MYO7B: variants seen among roughly 807,000 people sequenced by gnomAD.
MYO7B encodes myosin VIIB, also known as unconventional myosin-VIIb.
In MYO7B, 212 loss-of-function variants were observed where a neutral mutation model predicts 259.7. The ratio of observed to expected loss-of-function variants is 0.82; its 90% confidence interval spans 0.73 to 0.91. MYO7B has a LOEUF of 0.91. Ranked by LOEUF, MYO7B falls within the 40% of genes least tolerant of loss-of-function variation. MYO7B has a pLI of 0.00. For missense variants in MYO7B, 2,732 were observed against 2,813.5 expected (o/e 0.97, Z 0.66); for synonymous variants, 1,197 against 1,166.4 (o/e 1.03, Z -0.54).
At chr2:127,608,949 G>C (rs1300118486) in intron 22 of MYO7B, 71 bp downstream of exon 22, 1 of 1,531,778 alleles carries the variant, frequency 6.5e-7, no homozygotes, top group Non-Finnish European at 8.8e-7. Context: ...CGTGAACTCA[G>C]TCCACCTCTC....
At chr2:127,536,610 A>G (rs1385131501) in intron 1 of MYO7B, among the ~76,000 whole-genome samples, 2 of 152,128 alleles carry the variant, frequency 1.3e-5, no homozygotes, top group African/African-American at 2.4e-5. Context: ...AGATTGTGAG[A>G]GCTGGCCCAG....
rs1309009843 is a variant in MYO7B at position 127,629,674 on chromosome 2, G to T, written c.4654G>T (p.Gly1552Trp). The change falls in exon 35 of 48, where the codon GGG (glycine) becomes TGG (tryptophan). Residue 1552 changes from glycine (G) to tryptophan (W), a missense_variant. Gly to Trp is a radical substitution (Grantham distance 184). Transcript: ENST00000409816. Reference sequence around the variant, plus strand: ...CACCACCCTCCTGGCCTTCAAGAAGGGGGACCTGTTGGTCCTCACAAAGAA... The same window carrying T: ...CACCACCCTCCTGGCCTTCAAGAAGTGGGACCTGTTGGTCCTCACAAAGAA... ...DDTTLLAFKK[G>W]DLLVLTKKQG... 2 of 1,612,254 alleles carry T rather than the reference G, an allele frequency of 1.2e-6. No individual in the cohort carries two copies. Among genetic ancestry groups the T allele is most frequent in the East Asian group, 2.2e-5 (1 of 44,802 alleles).
rs148811743 is a variant in MYO7B, at chr2:127,614,624, C to T, written c.3398+2021C>T. Among the ~76,000 whole-genome samples the T allele has an allele frequency of 2.0e-3, 310 of 152,280 alleles. 3 individuals are homozygous for T. The highest frequency in any genetic ancestry group is 3.7e-3 in the Admixed American group (56 of 15,302). Reference sequence around the variant, plus strand: ...AGGTGGCAAATGGGCTTCTGGAGCTCAGCAGGCATCAGATGGGGAGTGACA... The same window carrying T: ...AGGTGGCAAATGGGCTTCTGGAGCTTAGCAGGCATCAGATGGGGAGTGACA... On this transcript the variant is annotated intron_variant, in intron 26 of 47. Coordinates refer to ENST00000409816, the MANE Select transcript of MYO7B (RefSeq NM_001393586.1). The surrounding 1 kb of genome is among the most constrained non-coding windows in gnomAD (Gnocchi z 4.6).
chr2:127,580,475 A>C (rs1206367752), intron 9 of MYO7B, among the ~76,000 whole-genome samples: 1 of 152,074 alleles, frequency 6.6e-6, no homozygotes, highest in African/African-American at 2.4e-5. Context: ...AAATAAGCCC[A>C]CCTTTCTTTA....
At chr2:127,537,545 A>G (rs752322951) in intron 1 of MYO7B, among the ~76,000 whole-genome samples, 2 of 152,222 alleles carry the variant, frequency 1.3e-5, no homozygotes, top group African/African-American at 4.8e-5. Flanking sequence ...GAAGAAGGGT[A>G]AAGGAGACTG....
chr2:127,560,548 A>G (rs1001708556), intron 2 of MYO7B, among the ~76,000 whole-genome samples: 2 of 152,166 alleles, frequency 1.3e-5, no homozygotes, highest in African/African-American at 4.8e-5. Context: ...TTACTGTCAA[A>G]TCAACAGACC....
chr2:127,572,668 TTTTTTCTCTGTTGACTTACCTTTGCACCC>T (rs1447016910), intron 6 of MYO7B, among the ~76,000 whole-genome samples: 8 of 152,064 alleles, frequency 5.3e-5, no homozygotes. Context: ...AAAAAGACTA[TTTTTTCTCTGTTGACTTACCTTTGCACCC>T]CTGTCTAAAA....
chr2:127,627,623 T>G lies in MYO7B; in HGVS notation c.4460+313T>G, dbSNP rs1220962117. On this transcript the variant is annotated intron_variant, in intron 33 of 47. Coordinates refer to ENST00000409816, the MANE Select transcript of MYO7B (RefSeq NM_001393586.1). The surrounding 1 kb of genome is among the most constrained non-coding windows in gnomAD (Gnocchi z 5.6). ...CGGGCACTTATTTAGAAGGCTCCTT[T>G]CTTTGTCATGGACGAGAACTGGTGG... The G allele has an allele frequency of 2.0e-6, 1 of 496,816 alleles. No individual in the cohort carries two copies. Among genetic ancestry groups the G allele is most frequent in the Non-Finnish European group, 3.9e-6 (1 of 254,132 alleles). The allele number at this position is 496,816 out of a possible 1,614,324, so 30.8% of individuals were successfully genotyped here.
chr2:127,634,690 A>G lies in MYO7B; in HGVS notation c.5713+7A>G, dbSNP rs1034606670. On this transcript the variant is annotated splice_region_variant and intron_variant, in intron 42 of 47. Coordinates refer to ENST00000409816, the MANE Select transcript of MYO7B (RefSeq NM_001393586.1). ...AACAAGCCCCAGAAAGAAGGTGAGG[A>G]GGCCTCTGTGGAGCTGGGGGAGGGC... 52 of 1,607,582 alleles carry G rather than the reference A, an allele frequency of 3.2e-5. No homozygotes were observed. In the South Asian group the frequency reaches 5.4e-4, roughly 17 times the overall value.
intron 19 of MYO7B, among the ~76,000 whole-genome samples, chr2:127,598,881 G>A (rs574220532): frequency 5.9e-5 from 9 of 152,074 alleles, no homozygotes; most frequent in East Asian, 1.9e-4. Flanking sequence ...AAAACCTAGC[G>A]GTGTGGGTCT....
Position 127,566,753 on chromosome 2 carries a change from G to T in MYO7B, c.396G>T (p.Pro132=), listed in dbSNP as rs115516718. ...GCCGCCATATGGGCGAGCTGCCCCC[G>T]CATGTCTTTGCCATCGCCAACAACT... The part of the protein sequence containing the change: ...YYSRHMGELP[P]HVFAIANNCY... The change falls in exon 5 of 48, where the codon CCG becomes CCT. Residue 132 remains proline (P), a synonymous_variant. Coordinates refer to ENST00000409816, the MANE Select transcript of MYO7B (RefSeq NM_001393586.1). The T allele has an allele frequency of 2.5e-6, 4 of 1,612,620 alleles. No homozygotes were observed. The highest frequency in any genetic ancestry group is 1.3e-5 in the African/African-American group (1 of 74,934).
rs76178944 is a variant in MYO7B at position 127,539,054 on chromosome 2, G to C, written c.-24+3223G>C. On this transcript the variant is annotated intron_variant, in intron 1 of 47. Coordinates refer to ENST00000409816, the MANE Select transcript of MYO7B (RefSeq NM_001393586.1). The surrounding 1 kb of genome is among the most constrained non-coding windows in gnomAD (Gnocchi z 4.0). ...TCTGTCTGAGCTCCTACTCTGTTCT[G>C]GGGGCTGGGGGCAGAGTACTGAGGG... Among the ~76,000 whole-genome samples the C allele has an allele frequency of 0.032, 4,891 of 152,218 alleles. 266 individuals carry two copies. Among genetic ancestry groups the C allele is most frequent in the African/African-American group, 0.11 (4,601 of 41,494 alleles).
At position 127,612,572 on chromosome 2, in the gene MYO7B, G is replaced by A. The variant is rs370891664; in HGVS notation, c.3367G>A (p.Val1123Met). 56 of 1,607,598 alleles carry A rather than the reference G, an allele frequency of 3.5e-5. No homozygotes were observed. The highest frequency in any genetic ancestry group is 5.6e-5 in the South Asian group (5 of 89,450). Residue 1123 changes from valine to methionine, a missense_variant, in exon 26 of 48, where the codon GTG becomes ATG. Coordinates refer to ENST00000409816, the MANE Select transcript of MYO7B (RefSeq NM_001393586.1). ...MSNLEKVHFI[V>M]GYAILRPSLR... The stretch of plus-strand genomic sequence containing the variant: ...CAACCTGGAGAAGGTGCACTTCATC[G>A]TGGGCTACGCCATCCTGCGGCCCAG...
At position 127,566,820 on chromosome 2, in the gene MYO7B, A is replaced by G. The variant is rs1483228419; in HGVS notation, c.463A>G (p.Ile155Val). ...MKRNKRDQCC[I>V]ISGESGAGKT... ...GAGGAACAAGAGGGACCAGTGCTGC[A>G]TCATCAGGTGAGGCAGAGGGGTCAG... The change falls in exon 5 of 48, where the codon ATC becomes GTC. Residue 155 changes from isoleucine to valine, a missense_variant. Physicochemically the swap from Ile to Val is conservative, Grantham distance 29 (BLOSUM62 3). Transcript: ENST00000409816. 19 of 1,609,392 alleles carry G rather than the reference A, an allele frequency of 1.2e-5. No homozygotes were observed. The highest frequency in any genetic ancestry group is 1.4e-5 in the Non-Finnish European group (16 of 1,179,400).
At chr2:127,635,094 G>A in intron 42 of MYO7B, 26 bp from the exon 43 acceptor site, 1 of 1,579,552 alleles carries the variant, frequency 6.3e-7, no homozygotes, top group East Asian at 2.3e-5. Context: ...GGACAGGCTT[G>A]GTGCCCACTG....
Position 127,624,246 on chromosome 2 carries a change from G to C in MYO7B, c.3973G>C (p.Asp1325His), listed in dbSNP as rs938799049. 7 of 1,596,436 alleles carry C rather than the reference G, an allele frequency of 4.4e-6. No homozygotes were observed. In the African/African-American group the frequency reaches 9.4e-5, roughly 21 times the overall value. Reference sequence around the variant, plus strand: ...CACCCCCTGGCACGACTCCCGGGAGGACCCTGTCAGCACCGAGCTTATTTA... The same window carrying C: ...CACCCCCTGGCACGACTCCCGGGAGCACCCTGTCAGCACCGAGCTTATTTA... ...FFTPWHDSREDPVSTELIYRQ... is the reference protein window; with the variant it reads ...FFTPWHDSREHPVSTELIYRQ... Residue 1325 changes from aspartate to histidine, a missense_variant, in exon 30 of 48, where the codon GAC (aspartate) becomes CAC (histidine). Asp to His is a moderately conservative substitution (Grantham distance 81, BLOSUM62 -1). Transcript: ENST00000409816.
chr2:127,535,990 G>A lies in MYO7B; in HGVS notation c.-24+159G>A, dbSNP rs908355035. ...TTCAGGAGCCTGGAAACCAGAAACCGCAGCAGGGGACTCAGTCCATCGGGC... is the reference window on the plus strand; with the variant it reads ...TTCAGGAGCCTGGAAACCAGAAACCACAGCAGGGGACTCAGTCCATCGGGC... On this transcript the variant is annotated intron_variant, in intron 1 of 47. Transcript: ENST00000409816. This position sits in a 1 kb window ranked among gnomAD's most constrained non-coding sequence, Gnocchi z 4.8. Among the ~76,000 whole-genome samples, 1 of 152,280 alleles carries A rather than the reference G, an allele frequency of 6.6e-6. No homozygotes were observed. Among genetic ancestry groups the A allele is most frequent in the South Asian group, 2.1e-4 (1 of 4,828 alleles).
intron 14 of MYO7B, 76 bp from the exon 15 acceptor site, chr2:127,588,316 A>T (rs1679381975): frequency 6.5e-7 from 1 of 1,531,450 alleles, no homozygotes; most frequent in African/African-American, 1.4e-5. Context: ...GTATTCCCCC[A>T]CACTGCCCTC....
rs989657649 is a variant in MYO7B at position 127,631,192 on chromosome 2, C to G, written c.4938-14C>G. On this transcript the variant is annotated splice_polypyrimidine_tract_variant and intron_variant, in intron 36 of 47. Transcript: ENST00000409816. ...GCCACAGGGCAGGCCTCACACCAGCCTCTAACCTCACAGGGCTCCAGAGAA... is the reference window on the plus strand; with the variant it reads ...GCCACAGGGCAGGCCTCACACCAGCGTCTAACCTCACAGGGCTCCAGAGAA... 4.4e-6 allele frequency: 7 copies of G among 1,586,832 alleles called. No homozygotes were observed. Among genetic ancestry groups the G allele is most frequent in the Non-Finnish European group, 6.0e-6 (7 of 1,162,212 alleles).
Sources: gnomAD v4.1 joint callset for allele counts (sites outside exome capture counted in the v4.1 genomes callset) on GRCh38, gnomAD v4.1.1 for gene constraint, Gnocchi (gnomAD v3.1) non-coding constraint, MANE v1.5 for transcripts, NCBI Gene and HGNC (gene_info 2026-07-23, HGNC 2026-07-21) for gene names.